The following IL1RAPL1 variants were observed in gnomAD, a reference collection of about 807,000 sequenced individuals.
The protein encoded by IL1RAPL1 is interleukin 1 receptor accessory protein like 1.
Under a neutral mutation model 48.4 loss-of-function variants are expected in IL1RAPL1, and 3 were observed. The observed-to-expected ratio is 0.06, with a 90% CI of 0.03 to 0.16. The LOEUF (loss-of-function observed/expected upper bound fraction) is 0.16, where lower values mean the gene tolerates loss of function less well. Among genes scored for constraint, IL1RAPL1 ranks in the 10% least tolerant of loss-of-function variants. IL1RAPL1 has a pLI of 1.00. For synonymous variants in IL1RAPL1, 185 were observed against 187.7 expected (o/e 0.99, Z 0.12); for missense variants, 349 against 530.6 (o/e 0.66, Z 3.36).
At chrX:29,753,501 A>G (rs1057466119) in intron 6 of IL1RAPL1, among the ~76,000 whole-genome samples, 7 of 112,182 alleles carry the variant, frequency 6.2e-5, no homozygotes, top group Non-Finnish European at 9.4e-5. Context: ...GTGACAACCT[A>G]TAATATTTAG....
At chrX:29,597,149 A>ATT (rs35180262) in intron 5 of IL1RAPL1, among the ~76,000 whole-genome samples, 1 of 55,966 alleles carries the variant, frequency 1.8e-5, no homozygotes, top group African/African-American at 6.7e-5. Context: ...TTTGTTGAGG[A>ATT]TTTTTTTTTT....
chrX:28,925,284 G>A (rs975816136), intron 2 of IL1RAPL1, among the ~76,000 whole-genome samples: 12 of 111,438 alleles, frequency 1.1e-4, no homozygotes, highest in South Asian at 3.7e-4. Context: ...ATTCCCTAAC[G>A]AGAAGACAAT....
intron 2 of IL1RAPL1, among the ~76,000 whole-genome samples, chrX:28,837,813 C>T (rs1270424166): frequency 9.5e-6 from 1 of 105,361 alleles, no homozygotes; most frequent in African/African-American, 3.5e-5. Context: ...TACCACCACC[C>T]TTCCCTCACC....
chrX:29,050,999 C>A lies in IL1RAPL1; in HGVS notation c.83-231939C>A, dbSNP rs150936172. Among the ~76,000 whole-genome samples, 1,031 of 112,379 alleles carry A rather than the reference C, an allele frequency of 9.2e-3. 16 individuals carry two copies. The highest frequency in any genetic ancestry group is 0.032 in the African/African-American group (986 of 30,977). ...TCAGGTTATACTACAGGAATAATAT[C>A]TTTAAATAACACCATAGAAAAACAT... On this transcript the variant is annotated intron_variant, in intron 2 of 10. Coordinates refer to ENST00000378993, the MANE Select transcript of IL1RAPL1 (RefSeq NM_014271.4).
chrX:29,152,009 G>T (rs953218285), intron 2 of IL1RAPL1, among the ~76,000 whole-genome samples: 6 of 111,788 alleles, frequency 5.4e-5, no homozygotes, highest in African/African-American at 1.9e-4. Flanking sequence ...CCCAAGATTG[G>T]TTAATTTATA....
intron 2 of IL1RAPL1, among the ~76,000 whole-genome samples, chrX:29,279,304 C>T (rs185215079): frequency 4.2e-4 from 47 of 110,990 alleles, no homozygotes; most frequent in East Asian, 5.7e-4. Context: ...GGCATGGTGG[C>T]GTGCGCCTGT....
intron 1 of IL1RAPL1, among the ~76,000 whole-genome samples, chrX:28,655,042 G>A (rs1178906248): frequency 9.0e-6 from 1 of 111,221 alleles, no homozygotes; most frequent in Admixed American, 9.6e-5. Context: ...AATCAGGTCT[G>A]TTTAGGACCA....
chrX:29,365,540 A>C (rs952544169), intron 3 of IL1RAPL1, among the ~76,000 whole-genome samples: 1 of 107,526 alleles, frequency 9.3e-6, no homozygotes, highest in South Asian at 4.1e-4. Flanking sequence ...TACTAAAAAC[A>C]CAAAAAAATT....
chrX:29,589,171 C>T (rs891786051), intron 5 of IL1RAPL1, among the ~76,000 whole-genome samples: 27 of 112,164 alleles, frequency 2.4e-4, no homozygotes, highest in African/African-American at 6.8e-4. Context: ...CTTAGATCTA[C>T]TGATAATGCA....
intron 6 of IL1RAPL1, among the ~76,000 whole-genome samples, chrX:29,912,948 G>T (rs1399601474): frequency 8.9e-6 from 1 of 111,762 alleles, no homozygotes; most frequent in Non-Finnish European, 1.9e-5. Flanking sequence ...ATCAAGTCCT[G>T]GTTCTTATTG....
chrX:28,850,416 G>A (rs1222154385), intron 2 of IL1RAPL1, among the ~76,000 whole-genome samples: 2 of 108,006 alleles, frequency 1.9e-5, no homozygotes, highest in Non-Finnish European at 3.8e-5. Flanking sequence ...GCAGCAGCAG[G>A]GGTACTAAAA....
At chrX:29,524,804 G>A (rs770313577) in intron 5 of IL1RAPL1, among the ~76,000 whole-genome samples, 48 of 112,186 alleles carry the variant, frequency 4.3e-4, no homozygotes, top group Non-Finnish European at 6.6e-4. Flanking sequence ...CGAAAGTGTC[G>A]TAATGCAGCT....
intron 2 of IL1RAPL1, among the ~76,000 whole-genome samples, chrX:28,821,678 C>T (rs1238947341): frequency 9.0e-6 from 1 of 110,767 alleles, no homozygotes; most frequent in Non-Finnish European, 1.9e-5. Flanking sequence ...TTCACCACAC[C>T]CCTGGCTTTC....
intron 2 of IL1RAPL1, among the ~76,000 whole-genome samples, chrX:29,226,756 G>A (rs1313953340): frequency 1.9e-5 from 2 of 106,310 alleles, no homozygotes; most frequent in African/African-American, 3.4e-5. Context: ...TTTAACAGAT[G>A]AAAAAAAAAC....
At chrX:28,670,546 A>G (rs1934937930) in intron 1 of IL1RAPL1, among the ~76,000 whole-genome samples, 1 of 112,085 alleles carries the variant, frequency 8.9e-6, no homozygotes, top group South Asian at 3.7e-4. Flanking sequence ...GAGTAATGCA[A>G]TCAGAACAGG....
chrX:29,725,264 T>C (rs1927745596), intron 6 of IL1RAPL1, among the ~76,000 whole-genome samples: 2 of 111,111 alleles, frequency 1.8e-5, no homozygotes, highest in Non-Finnish European at 3.8e-5. Context: ...GCACAATCTC[T>C]CATAAAAAAG....
At chrX:29,744,297 T>C (rs1928277837) in intron 6 of IL1RAPL1, among the ~76,000 whole-genome samples, 1 of 111,953 alleles carries the variant, frequency 8.9e-6, no homozygotes, top group South Asian at 3.7e-4. Flanking sequence ...TCCAAAGACC[T>C]TTTAAATAAT....
chrX:28,752,403 T>G (rs1703064107), intron 1 of IL1RAPL1, among the ~76,000 whole-genome samples: 1 of 111,923 alleles, frequency 8.9e-6, no homozygotes, highest in South Asian at 3.7e-4. Context: ...ATTAAGTGCT[T>G]TACTGAACCC....
intron 1 of IL1RAPL1, among the ~76,000 whole-genome samples, chrX:28,631,147 T>C (rs983793450): frequency 2.7e-5 from 3 of 111,764 alleles, no homozygotes; most frequent in Non-Finnish European, 5.6e-5. Flanking sequence ...GAGTGTACAG[T>C]GGGCTTGTCT....
Sources: allele counts gnomAD v4.1 joint callset (sites outside exome capture counted in the v4.1 genomes callset), GRCh38; gene constraint gnomAD v4.1.1; transcripts MANE v1.5; gene names NCBI Gene and HGNC (gene_info 2026-07-23, HGNC 2026-07-21).